CHIC1: variants seen among roughly 807,000 people sequenced by gnomAD.
CHIC1 encodes the protein cysteine-rich hydrophobic domain-containing protein 1.
In CHIC1, 7 loss-of-function variants were observed where a neutral mutation model predicts 18.5. The observed-to-expected ratio is 0.38, with a 90% confidence interval of 0.22 to 0.71. CHIC1 has a LOEUF of 0.71. CHIC1 is among the 30% of genes least tolerant of loss of function. The probability of loss-of-function intolerance (pLI) is 0.49; values close to 1 mark genes in which losing one functional copy is unlikely to be tolerated. For missense variants in CHIC1, 159 were observed against 176.9 expected, an observed-to-expected ratio of 0.90 and a Z score of 0.57; for synonymous variants, 77 against 73.5, an observed-to-expected ratio of 1.05 and a Z score of -0.25.
intron 1 of CHIC1, among the ~76,000 whole-genome samples, chrX:73,573,649 A>G (rs1411876114): frequency 2.7e-5 from 3 of 110,493 alleles, no homozygotes; most frequent in Admixed American, 9.6e-5. Flanking sequence ...CCTTGGTTAG[A>G]TGTATTCCTA....
At chrX:73,595,009 C>T (rs995461931) in intron 3 of CHIC1, among the ~76,000 whole-genome samples, 1 of 111,499 alleles carries the variant, frequency 9.0e-6, no homozygotes, top group African/African-American at 3.3e-5. Context: ...TATTGATGGA[C>T]ACTTGAGTTG....
At chrX:73,652,708 A>G (rs148565371) in intron 3 of CHIC1, among the ~76,000 whole-genome samples, 1 of 112,456 alleles carries the variant, frequency 8.9e-6, no homozygotes, top group Admixed American at 9.4e-5. Flanking sequence ...CAGAATGGCA[A>G]TTATTAAAAA....
intron 3 of CHIC1, among the ~76,000 whole-genome samples, chrX:73,663,631 G>A (rs1209377139): frequency 9.0e-6 from 1 of 110,605 alleles, no homozygotes; most frequent in Non-Finnish European, 1.9e-5. Context: ...ACTAATTATC[G>A]AAATGTCCGC....
rs1405554010 is a variant in CHIC1, at chrX:73,563,249, T to A, written c.-36T>A. On this transcript the variant is annotated 5_prime_UTR_variant, in exon 1 of 6. Coordinates refer to ENST00000373502, the MANE Select transcript of CHIC1 (RefSeq NM_001039840.4). Reference sequence around the variant, plus strand: ...CAGCACCTCGGCAGGTTCAAACTCTTCTCCGGGAGCGTGGCGGCGATCGCG... The same window carrying A: ...CAGCACCTCGGCAGGTTCAAACTCTACTCCGGGAGCGTGGCGGCGATCGCG... 3.7e-6 allele frequency: 4 copies of A among 1,086,270 alleles called. No individual in the cohort carries two copies. The South Asian group carries it at 7.4e-5, about 20-fold the overall frequency. The allele number at this position is 1,086,270 out of a possible 1,213,427, so 89.5% of individuals were successfully genotyped here. A position where few individuals can be genotyped will look rare whatever the true frequency, so the allele number is the denominator to read the frequency against.
chrX:73,601,267 G>C (rs1569501917), intron 3 of CHIC1, among the ~76,000 whole-genome samples: 2 of 104,799 alleles, frequency 1.9e-5, no homozygotes, highest in South Asian at 4.3e-4. Context: ...ATTTTTTTCA[G>C]CACCACACCA....
At chrX:73,612,992 C>G (rs2057716000) in intron 3 of CHIC1, among the ~76,000 whole-genome samples, 1 of 111,661 alleles carries the variant, frequency 9.0e-6, no homozygotes, top group Admixed American at 9.5e-5. Context: ...TCTGGGTGCT[C>G]AAGCTTGTTA....
intron 1 of CHIC1, among the ~76,000 whole-genome samples, chrX:73,564,139 A>G (rs1235929926): frequency 8.9e-6 from 1 of 112,053 alleles, no homozygotes; most frequent in African/African-American, 3.3e-5. Flanking sequence ...TATGGAAAGT[A>G]GAAAAAGAAA....
intron 3 of CHIC1, among the ~76,000 whole-genome samples, chrX:73,618,382 A>C (rs1288316875): frequency 9.0e-6 from 1 of 111,211 alleles, no homozygotes; most frequent in Non-Finnish European, 1.9e-5. Flanking sequence ...TGGGTAGAGA[A>C]AGACTATCAC....
At position 73,685,453 on chromosome X, in the gene CHIC1, A is replaced by G. The variant is rs974445916; in HGVS notation, c.*4448A>G. 18 of 111,930 alleles carry G rather than the reference A, an allele frequency of 1.6e-4. No homozygotes were observed. Among genetic ancestry groups the G allele is most frequent in the African/African-American group, 5.8e-4 (18 of 30,823 alleles). The allele number at this position is 111,930 out of a possible 1,213,427, so 9.2% of individuals were successfully genotyped here. A position where few individuals can be genotyped will look rare whatever the true frequency, so the allele number is the denominator to read the frequency against. ...AGATTTCATATCCTATCCAACATTT[A>G]CTTTAGTGTCTAATCAAATTCCATA... On this transcript the variant is annotated 3_prime_UTR_variant, in exon 6 of 6. Coordinates refer to ENST00000373502, the MANE Select transcript of CHIC1 (RefSeq NM_001039840.4).
chrX:73,659,517 G>A (rs2057969297), intron 3 of CHIC1, among the ~76,000 whole-genome samples: 1 of 107,478 alleles, frequency 9.3e-6, no homozygotes, highest in African/African-American at 3.6e-5. Flanking sequence ...CTTGCCAATC[G>A]CATGTCAAAT....
intron 3 of CHIC1, among the ~76,000 whole-genome samples, chrX:73,628,822 C>T (rs1448117307): frequency 9.0e-6 from 1 of 111,099 alleles, no homozygotes; most frequent in Non-Finnish European, 1.9e-5. Flanking sequence ...ACTATCTATC[C>T]TTGTGGGGGT....
At chrX:73,638,536 A>G (rs1326722485) in intron 3 of CHIC1, among the ~76,000 whole-genome samples, 1 of 111,354 alleles carries the variant, frequency 9.0e-6, no homozygotes, top group East Asian at 2.8e-4. Flanking sequence ...TTTAAAAAAA[A>G]AATATTTTAG....
chrX:73,611,083 A>G (rs778699905), intron 3 of CHIC1, among the ~76,000 whole-genome samples: 2 of 107,013 alleles, frequency 1.9e-5, no homozygotes, highest in Non-Finnish European at 3.8e-5. Flanking sequence ...GGTTAGTTAC[A>G]TATGTACACA....
intron 3 of CHIC1, among the ~76,000 whole-genome samples, chrX:73,674,438 A>C (rs771524201): frequency 3.8e-4 from 42 of 111,849 alleles, no homozygotes; most frequent in Non-Finnish European, 7.0e-4. Context: ...TCAGAGATTC[A>C]ACTTCTTCCT....
chrX:73,659,274 T>C lies in CHIC1; in HGVS notation c.508-20052T>C, dbSNP rs755618903. ...TGGCTGCCTTCAGTCAAATTATCTT[T>C]CAAAGCTTTTGCAAAACCTGGCCTT... is the stretch of plus-strand genomic sequence containing the variant. On this transcript the variant is annotated intron_variant, in intron 3 of 5. Coordinates refer to ENST00000373502, the MANE Select transcript of CHIC1 (RefSeq NM_001039840.4). Among the ~76,000 whole-genome samples, 97 of 111,317 alleles carry C rather than the reference T, an allele frequency of 8.7e-4. 1 individual carries two copies. Among genetic ancestry groups the C allele is most frequent in the Non-Finnish European group, 1.5e-3 (82 of 53,064 alleles).
intron 3 of CHIC1, among the ~76,000 whole-genome samples, chrX:73,657,930 A>G (rs780240914): frequency 2.2e-4 from 25 of 111,525 alleles, no homozygotes; most frequent in Non-Finnish European, 4.5e-4. Flanking sequence ...TTTGATTTGT[A>G]TACGTTGAAC....
chrX:73,647,321 G>A (rs2057894225), intron 3 of CHIC1, among the ~76,000 whole-genome samples: 1 of 112,057 alleles, frequency 8.9e-6, no homozygotes, highest in African/African-American at 3.2e-5. Flanking sequence ...GTTCTAGGGA[G>A]TTTCTAGAAC....
chrX:73,614,097 CTT>C (rs1339455641), intron 3 of CHIC1, among the ~76,000 whole-genome samples: 2 of 111,409 alleles, frequency 1.8e-5, no homozygotes, highest in Non-Finnish European at 3.8e-5. Flanking sequence ...CTGGAAAAGA[CTT>C]TTATTTCTTC....
At chrX:73,657,238 T>A (rs1441194074) in intron 3 of CHIC1, among the ~76,000 whole-genome samples, 1 of 109,339 alleles carries the variant, frequency 9.1e-6, no homozygotes, top group African/African-American at 3.3e-5. Context: ...TTTTTTTATT[T>A]TTTAGTAGAG....
Sources: gnomAD v4.1 joint callset for allele counts (sites outside exome capture counted in the v4.1 genomes callset) on GRCh38, gnomAD v4.1.1 for gene constraint, MANE v1.5 for transcripts, NCBI Gene and HGNC (gene_info 2026-07-23, HGNC 2026-07-21) for gene names.